MARCHF3: variants seen among roughly 807,000 people sequenced by gnomAD.
MARCHF3 encodes the protein membrane associated ring-CH-type finger 3, also known as E3 ubiquitin-protein ligase MARCHF3.
In MARCHF3, 13 loss-of-function variants were observed where a neutral mutation model predicts 24.2. The observed-to-expected ratio is 0.54, with a 90% CI of 0.35 to 0.85. The LOEUF is 0.85. Ranked by LOEUF, MARCHF3 falls within the 40% of genes least tolerant of loss-of-function variation. The pLI, the probability that MARCHF3 is intolerant of heterozygous loss-of-function variation, is 0.01. For synonymous variants in MARCHF3, 144 were observed against 137.3 expected (o/e 1.05, Z -0.34); for missense variants, 276 against 325.0 (o/e 0.85, Z 1.16).
At chr5:126,921,353 A>G (rs1374223399) in intron 1 of MARCHF3, among the ~76,000 whole-genome samples, 1 of 150,442 alleles carries the variant, frequency 6.6e-6, no homozygotes, top group Non-Finnish European at 1.5e-5. Flanking sequence ...GAGGAAAGGA[A>G]GCACACTCTG....
rs180717846 is a variant in MARCHF3 at position 127,009,703 on chromosome 5, T to C, written c.-57+20647A>G. Among the ~76,000 whole-genome samples the C allele has an allele frequency of 1.8e-3, 277 of 152,324 alleles. 1 individual carries two copies. Among genetic ancestry groups the C allele is most frequent in the South Asian group, 9.3e-3 (45 of 4,834 alleles). On this transcript the variant is annotated intron_variant, in intron 1 of 4. Transcript: ENST00000308660. ...TACCAACCCCAACCAGCCAACACTC[T>C]GCCCCCACAAAATCTTGTTTCTTCT...
intron 4 of MARCHF3, among the ~76,000 whole-genome samples, chr5:126,872,773 G>A (rs1561771369): frequency 6.6e-6 from 1 of 152,118 alleles, no homozygotes; most frequent in African/African-American, 2.4e-5. Context: ...AGAGGGTTGA[G>A]TATGAAAATA....
rs570608258 is a variant in MARCHF3, at chr5:126,919,607, C to T, written c.-56-1380G>A. On this transcript the variant is annotated intron_variant, in intron 1 of 4. Transcript: ENST00000308660. ...TGGAAAACAGGATCTTCCCAACTTC[C>T]AGAACAATGTGCATCAACTGGATGT... Among the ~76,000 whole-genome samples the T allele has an allele frequency of 3.9e-5, 6 of 152,320 alleles. No individual in the cohort carries two copies. In the East Asian group the frequency reaches 5.8e-4, roughly 15 times the overall value.
chr5:126,948,308 T>C (rs1004709076), intron 1 of MARCHF3, among the ~76,000 whole-genome samples: 1 of 152,154 alleles, frequency 6.6e-6, no homozygotes, highest in Non-Finnish European at 1.5e-5. Context: ...CTTGTATAGG[T>C]TTTGCATCCT....
intron 1 of MARCHF3, among the ~76,000 whole-genome samples, chr5:127,003,426 C>T (rs1458661667): frequency 6.8e-6 from 1 of 146,160 alleles, no homozygotes; most frequent in Non-Finnish European, 1.5e-5. Flanking sequence ...CGAGATCGCG[C>T]CACTGCACTC....
At chr5:126,957,842 T>C (rs1750500229) in intron 1 of MARCHF3, among the ~76,000 whole-genome samples, 1 of 152,152 alleles carries the variant, frequency 6.6e-6, no homozygotes, top group Non-Finnish European at 1.5e-5. Flanking sequence ...TTGTTAAAAA[T>C]GTATTTAAGC....
At chr5:127,024,745 A>G (rs1483524138) in intron 1 of MARCHF3, among the ~76,000 whole-genome samples, 2 of 152,228 alleles carry the variant, frequency 1.3e-5, no homozygotes, top group Non-Finnish European at 2.9e-5. Flanking sequence ...CTGAAAAAGT[A>G]CCACATCTTA....
intron 1 of MARCHF3, among the ~76,000 whole-genome samples, chr5:127,017,772 T>G (rs1373819391): frequency 6.6e-6 from 1 of 152,222 alleles, no homozygotes; most frequent in Non-Finnish European, 1.5e-5. Context: ...TCAAAGAACT[T>G]TGATATCTGT....
chr5:126,943,692 T>C (rs1749910605), intron 1 of MARCHF3, among the ~76,000 whole-genome samples: 1 of 152,160 alleles, frequency 6.6e-6, no homozygotes, highest in Non-Finnish European at 1.5e-5. Flanking sequence ...TCCTCTCAAG[T>C]AAGGACTATT....
At chr5:126,918,565 A>G (rs1017080752) in intron 1 of MARCHF3, among the ~76,000 whole-genome samples, 32 of 152,336 alleles carry the variant, frequency 2.1e-4, no homozygotes, top group Non-Finnish European at 3.2e-4. Flanking sequence ...TAGAGAAGCA[A>G]TAAGTTTTTG....
intron 1 of MARCHF3, among the ~76,000 whole-genome samples, chr5:126,940,941 T>C (rs935000970): frequency 6.6e-6 from 1 of 152,206 alleles, no homozygotes; most frequent in Non-Finnish European, 1.5e-5. Context: ...TTTTGTGTTA[T>C]AAACAACCCA....
At chr5:126,954,942 A>C (rs1750390961) in intron 1 of MARCHF3, among the ~76,000 whole-genome samples, 1 of 151,940 alleles carries the variant, frequency 6.6e-6, no homozygotes, top group Non-Finnish European at 1.5e-5. Flanking sequence ...TGTGTTTTTC[A>C]GTACATTTTA....
At chr5:126,871,568 G>T (rs1752966762) in intron 4 of MARCHF3, among the ~76,000 whole-genome samples, 1 of 152,228 alleles carries the variant, frequency 6.6e-6, no homozygotes, top group South Asian at 2.1e-4. Flanking sequence ...GCGTTGTGTT[G>T]TGTTCATCTT....
intron 1 of MARCHF3, among the ~76,000 whole-genome samples, chr5:126,986,772 T>C (rs1157767645): frequency 6.6e-6 from 1 of 152,216 alleles, no homozygotes; most frequent in Non-Finnish European, 1.5e-5. Context: ...GAGGCACCTG[T>C]ATGAAAAACT....
chr5:126,991,155 C>T (rs1159560351), intron 1 of MARCHF3, among the ~76,000 whole-genome samples: 1 of 152,156 alleles, frequency 6.6e-6, no homozygotes. Flanking sequence ...ACCCAAATGT[C>T]CATCAATGAT....
chr5:126,935,188 A>G (rs958569247), intron 1 of MARCHF3, among the ~76,000 whole-genome samples: 1 of 152,132 alleles, frequency 6.6e-6, no homozygotes, highest in Non-Finnish European at 1.5e-5. Context: ...ATATTATTCT[A>G]GGAGTTTCTG....
chr5:126,965,021 TAA>T (rs56350286), intron 1 of MARCHF3, among the ~76,000 whole-genome samples: 2,861 of 101,394 alleles, frequency 0.028, 69 homozygotes, highest in South Asian at 0.15. Flanking sequence ...ATGTTCTTAG[TAA>T]AAAAAAAAAA....
At chr5:127,021,133 T>C (rs1752792484) in intron 1 of MARCHF3, among the ~76,000 whole-genome samples, 1 of 152,096 alleles carries the variant, frequency 6.6e-6, no homozygotes, top group African/African-American at 2.4e-5. Context: ...GCTTTTTTTT[T>C]CAGCCATGTA....
intron 1 of MARCHF3, among the ~76,000 whole-genome samples, chr5:127,015,896 T>C (rs939204672): frequency 1.3e-5 from 2 of 152,124 alleles, no homozygotes; most frequent in African/African-American, 2.4e-5. Context: ...CCATCCTACT[T>C]GGACATGCAT....
Sources: gnomAD v4.1 joint callset for allele counts (sites outside exome capture counted in the v4.1 genomes callset) on GRCh38, gnomAD v4.1.1 for gene constraint, MANE v1.5 for transcripts, NCBI Gene and HGNC (gene_info 2026-07-23, HGNC 2026-07-21) for gene names.